The following ROBO2 variants were observed in gnomAD, a reference collection of about 807,000 sequenced individuals.
ROBO2 encodes roundabout homolog 2.
Under a neutral mutation model 160.8 loss-of-function variants are expected in ROBO2, and 53 were observed. The observed-to-expected ratio is 0.33, with a 90% CI of 0.26 to 0.41. The LOEUF is 0.41. Among genes scored for constraint, ROBO2 ranks in the 10% least tolerant of loss-of-function variants. The probability of loss-of-function intolerance (pLI) is 1.00; values close to 1 mark genes in which losing one functional copy is unlikely to be tolerated. For synonymous variants in ROBO2, 664 were observed against 611.7 expected (o/e 1.09, Z -1.26); for missense variants, 1,577 against 1,722.4 (o/e 0.92, Z 1.49).
At chr3:76,430,933 A>G (rs2076410225) in intron 2 of ROBO2, among the ~76,000 whole-genome samples, 1 of 152,078 alleles carries the variant, frequency 6.6e-6, no homozygotes, top group South Asian at 2.1e-4. Flanking sequence ...TTAATTAGTG[A>G]AATTATGAAA....
intron 2 of ROBO2, among the ~76,000 whole-genome samples, chr3:76,519,780 C>CT (rs1488485902): frequency 6.6e-6 from 1 of 152,110 alleles, no homozygotes; most frequent in African/African-American, 2.4e-5. Context: ...TTTAAGACTC[C>CT]TTTTTTCTTA....
At chr3:76,776,093 ATAT>A (rs1469147023) in intron 2 of ROBO2, among the ~76,000 whole-genome samples, 2 of 150,860 alleles carry the variant, frequency 1.3e-5, no homozygotes, top group African/African-American at 4.8e-5. Flanking sequence ...ACTCAGAAAA[ATAT>A]TATTATGCCT....
intron 3 of ROBO2, among the ~76,000 whole-genome samples, chr3:77,478,657 G>A (rs1325133569): frequency 6.6e-6 from 1 of 152,148 alleles, no homozygotes; most frequent in Non-Finnish European, 1.5e-5. Context: ...AACTGAGAGT[G>A]AATACATTTA....
intron 2 of ROBO2, among the ~76,000 whole-genome samples, chr3:76,941,321 T>G (rs1269837489): frequency 1.3e-5 from 2 of 152,214 alleles, no homozygotes; most frequent in Non-Finnish European, 2.9e-5. Context: ...TAAATATAAA[T>G]TTGTTAATTC....
At chr3:76,418,249 G>A (rs62263761) in intron 2 of ROBO2, among the ~76,000 whole-genome samples, 1 of 151,744 alleles carries the variant, frequency 6.6e-6, no homozygotes, top group African/African-American at 2.4e-5. Context: ...GAGAGAGAGA[G>A]GGAGAGAGAG....
chr3:77,604,055 A>G (rs2094480041), intron 20 of ROBO2: 1 of 152,128 alleles, frequency 6.6e-6, no homozygotes, highest in Non-Finnish European at 1.5e-5. Flanking sequence ...ACATTTTCTA[A>G]ATTACTTTTC....
chr3:77,512,894 CTT>C (rs2089576470), intron 5 of ROBO2, among the ~76,000 whole-genome samples: 2 of 151,896 alleles, frequency 1.3e-5, no homozygotes, highest in African/African-American at 4.8e-5. Flanking sequence ...TATTGGCCAA[CTT>C]AACGATTAAT....
At chr3:77,333,550 T>C (rs2066190393) in intron 2 of ROBO2, among the ~76,000 whole-genome samples, 1 of 152,198 alleles carries the variant, frequency 6.6e-6, no homozygotes, top group South Asian at 2.1e-4. Context: ...TGTTTGCTAT[T>C]ATAATAAACA....
At chr3:77,108,299 C>CATAT (rs544760663) in intron 2 of ROBO2, among the ~76,000 whole-genome samples, 3 of 120,458 alleles carry the variant, frequency 2.5e-5, no homozygotes, top group Admixed American at 8.3e-5. Context: ...TACACATATG[C>CATAT]ATATATATAT....
intron 2 of ROBO2, among the ~76,000 whole-genome samples, chr3:76,343,923 A>G (rs1311821923): frequency 3.9e-5 from 6 of 152,130 alleles, no homozygotes; most frequent in Admixed American, 1.3e-4. Context: ...TGATGTGTCC[A>G]AAGATTTTAT....
In ROBO2 at chr3:76,247,577, TTTG is replaced by T. The variant is rs560758203; in HGVS notation, c.109+309987_109+309989del. Among the ~76,000 whole-genome samples the T allele has an allele frequency of 1.1e-3, 163 of 152,206 alleles. 1 individual carries two copies. The highest frequency in any genetic ancestry group is 3.8e-3 in the African/African-American group (157 of 41,544). On this transcript the variant is annotated intron_variant, in intron 2 of 26. Transcript: ENST00000487694. ...TAGTTTCTTAAATAATAAGCAGGAT[TTTG>T]TTGTTGTTGTTTGTTTGTTTTGAAA...
chr3:77,113,196 G>A (rs2073849656), intron 2 of ROBO2, among the ~76,000 whole-genome samples: 1 of 152,098 alleles, frequency 6.6e-6, no homozygotes, highest in Non-Finnish European at 1.5e-5. Flanking sequence ...AATTCCCCAG[G>A]ACCCATGTGT....
chr3:77,571,338 G>A (rs1416026989), intron 13 of ROBO2, among the ~76,000 whole-genome samples: 1 of 152,070 alleles, frequency 6.6e-6, no homozygotes, highest in Admixed American at 6.6e-5. Flanking sequence ...TAACTAGAAT[G>A]CTGATTTTAG....
At chr3:77,537,103 G>GGT (rs903853740) in intron 6 of ROBO2, among the ~76,000 whole-genome samples, 1 of 143,538 alleles carries the variant, frequency 7.0e-6, no homozygotes, top group Non-Finnish European at 1.5e-5. Flanking sequence ...ATTTTGTGGG[G>GGT]GGGGGGTGTA....
intron 2 of ROBO2, among the ~76,000 whole-genome samples, chr3:76,789,180 T>C (rs551527907): frequency 6.6e-6 from 1 of 151,466 alleles, no homozygotes; most frequent in South Asian, 2.1e-4. Context: ...AGATGCAGGG[T>C]GGTTATTTTC....
intron 2 of ROBO2, among the ~76,000 whole-genome samples, chr3:77,188,687 T>C (rs576145836): frequency 1.6e-4 from 25 of 151,970 alleles, no homozygotes; most frequent in African/African-American, 5.5e-4. Flanking sequence ...ATTTTTACTG[T>C]TTTCTCATAT....
intron 4 of ROBO2, 47 bp from the exon 5 acceptor site, chr3:77,493,197 C>A (rs200143507): frequency 2.5e-5 from 40 of 1,591,764 alleles, no homozygotes; most frequent in Non-Finnish European, 3.1e-5. Flanking sequence ...TTAAAGCATG[C>A]ATAATAGTTT....
intron 2 of ROBO2, among the ~76,000 whole-genome samples, chr3:77,263,720 A>C (rs1331074166): frequency 1.3e-5 from 2 of 152,156 alleles, no homozygotes; most frequent in African/African-American, 4.8e-5. Context: ...ACATGAGTGA[A>C]TGTGTCTTTA....
chr3:76,609,478 A>C (rs2087914952), intron 2 of ROBO2, among the ~76,000 whole-genome samples: 1 of 151,524 alleles, frequency 6.6e-6, no homozygotes, highest in Admixed American at 6.6e-5. Flanking sequence ...TTTCTTTGCC[A>C]TTATTATAAA....
Sources: allele counts gnomAD v4.1 joint callset (sites outside exome capture counted in the v4.1 genomes callset), GRCh38; gene constraint gnomAD v4.1.1; transcripts MANE v1.5; gene names NCBI Gene and HGNC (gene_info 2026-07-23, HGNC 2026-07-21).